The following MGAM2 variants were observed in gnomAD, a reference collection of about 807,000 sequenced individuals.
The protein encoded by MGAM2 is maltase-glucoamylase 2 (putative).
A neutral mutation model predicts 96.1 loss-of-function variants in MGAM2; 98 were observed. That is an observed-to-expected ratio of 1.02 (90% CI 0.87 to 1.21). The LOEUF (loss-of-function observed/expected upper bound fraction) is 1.21. MGAM2 is among the 50% of genes most tolerant of loss of function. The pLI is 0.00. For missense variants in MGAM2, 2,055 were observed against 1,182.4 expected (o/e 1.74, Z -10.82); for synonymous variants, 749 against 414.8 (o/e 1.81, Z -9.79).
rs1188959621 is a variant in MGAM2 at position 142,148,897 on chromosome 7, C to T, written c.1634+1324C>T. ...TTCTCCTTGGTACTCAAGGCCATAA[C>T]CACTCCTTTAAACTTAGCTCCTTCA... On this transcript the variant is annotated intron_variant, in intron 15 of 47. Transcript: ENST00000477922. This position sits in a 1 kb window ranked among gnomAD's most constrained non-coding sequence, Gnocchi z 4.2. Among the ~76,000 whole-genome samples, 1 of 152,092 alleles carries T rather than the reference C, an allele frequency of 6.6e-6. No individual in the cohort carries two copies. Among genetic ancestry groups the T allele is most frequent in the Non-Finnish European group, 1.5e-5 (1 of 68,010 alleles).
At chr7:142,198,071 G>A (rs1183663419) in intron 42 of MGAM2, 68 bp from the exon 43 acceptor site, 1 of 684,860 alleles carries the variant, frequency 1.5e-6, no homozygotes, top group African/African-American at 1.8e-5. Context: ...ATTCTACAGT[G>A]TTTTGAAAAT....
At chr7:142,146,603 A>G (rs1795392057) in intron 14 of MGAM2, among the ~76,000 whole-genome samples, 1 of 152,194 alleles carries the variant, frequency 6.6e-6, no homozygotes, top group African/African-American at 2.4e-5. Flanking sequence ...AAGGAGAGGA[A>G]GTGGCAGAGA....
At position 142,183,308 on chromosome 7, in the gene MGAM2, A is replaced by G; in HGVS notation, c.3859A>G (p.Ile1287Val). The G allele has an allele frequency of 2.8e-6, 2 of 703,524 alleles. No homozygotes were observed. The highest frequency in any genetic ancestry group is 5.2e-6 in the Non-Finnish European group (2 of 385,004). 43.6% of individuals were successfully genotyped at this position (703,524 alleles called of 1,614,324 possible). A position where few individuals can be genotyped will look rare whatever the true frequency, so the allele number is the denominator to read the frequency against. Reference sequence around the variant, plus strand: ...CAATGAGACACAGTATCTCCCATTCATTAGAGGACAGGAAAATAACGTGTT... The same window carrying G: ...CAATGAGACACAGTATCTCCCATTCGTTAGAGGACAGGAAAATAACGTGTT... ...SGNETQYLPF[I>V]RGQENNVFIK... Residue 1287 changes from isoleucine to valine, a missense_variant, in exon 33 of 48, where the codon ATT (isoleucine) becomes GTT (valine). Ile to Val is a conservative substitution (Grantham distance 29). Transcript: ENST00000477922.
At chr7:142,155,628 C>A (rs1465516960) in intron 17 of MGAM2, among the ~76,000 whole-genome samples, 1 of 152,074 alleles carries the variant, frequency 6.6e-6, no homozygotes. Context: ...CTTTTCTGGC[C>A]ACTTGTGATC....
intron 32 of MGAM2, 133 bp from the exon 33 acceptor site, chr7:142,183,133 T>C (rs1378898796): frequency 4.2e-6 from 2 of 473,496 alleles, no homozygotes; most frequent in African/African-American, 5.1e-5. Flanking sequence ...CAATGATTTT[T>C]ATTTTATTTC....
At chr7:142,126,486 AT>A (rs572146266) in intron 3 of MGAM2, among the ~76,000 whole-genome samples, 92 of 144,848 alleles carry the variant, frequency 6.4e-4, no homozygotes, top group Middle Eastern at 3.6e-3. Flanking sequence ...CATTTGGGCA[AT>A]TTTTTTTTTT....
At chr7:142,204,395 A>G (rs1248193563) in intron 45 of MGAM2, among the ~76,000 whole-genome samples, 1 of 152,042 alleles carries the variant, frequency 6.6e-6, no homozygotes, top group African/African-American at 2.4e-5. Context: ...TGAAGGAATT[A>G]AACAACTTCT....
At chr7:142,166,311 A>G in intron 25 of MGAM2, 58 bp downstream of exon 25, 1 of 636,810 alleles carries the variant, frequency 1.6e-6, no homozygotes, top group South Asian at 1.8e-5. Context: ...CACCTAGAAA[A>G]CACTTTTCAA....
intron 45 of MGAM2, among the ~76,000 whole-genome samples, chr7:142,207,246 G>C (rs976317795): frequency 6.6e-6 from 1 of 152,074 alleles, no homozygotes; most frequent in African/African-American, 2.4e-5. Context: ...TAAAAATCCT[G>C]AACAGTGTGA....
intron 1 of MGAM2, among the ~76,000 whole-genome samples, chr7:142,114,988 A>G (rs4574764): frequency 0.39 from 59,011 of 151,276 alleles, 11,684 homozygotes; most frequent in South Asian, 0.47. Context: ...GGCCGAGGTA[A>G]GTGGATCATT....
intron 33 of MGAM2, among the ~76,000 whole-genome samples, 166 bp downstream of exon 33, chr7:142,183,539 A>G (rs1349707618): frequency 1.3e-5 from 2 of 152,240 alleles, no homozygotes; most frequent in Non-Finnish European, 2.9e-5. Context: ...GACCAAGGTT[A>G]CAAATCTCAT....
intron 36 of MGAM2, 149 bp from the exon 37 acceptor site, chr7:142,189,218 T>A (rs1796794728): frequency 5.8e-6 from 3 of 517,678 alleles, no homozygotes; most frequent in Middle Eastern, 2.8e-4. Flanking sequence ...ACACAGAACA[T>A]TGTTTTCTAT....
intron 36 of MGAM2, 84 bp downstream of exon 36, chr7:142,187,918 A>T: frequency 1.5e-6 from 1 of 660,392 alleles, no homozygotes; most frequent in Non-Finnish European, 2.8e-6. Context: ...GTGAAGCCTA[A>T]TGTTGAAGAC....
intron 3 of MGAM2, 74 bp from the exon 4 acceptor site, chr7:142,130,874 G>T (rs552477270): frequency 3.1e-6 from 2 of 655,362 alleles, no homozygotes; most frequent in African/African-American, 3.6e-5. Context: ...AATAAAATGG[G>T]TTATAAATAA....
At chr7:142,133,898 G>T in intron 6 of MGAM2, 83 bp from the exon 7 acceptor site, 1 of 607,584 alleles carries the variant, frequency 1.6e-6, no homozygotes, top group Admixed American at 2.5e-5. Context: ...AGGTCTAAGT[G>T]TATGTGGAAA....
At chr7:142,145,094 C>T (rs1432809053) in intron 14 of MGAM2, 149 bp downstream of exon 14, 1 of 570,508 alleles carries the variant, frequency 1.8e-6, no homozygotes, top group Non-Finnish European at 3.1e-6. Context: ...GTCTCTGCAG[C>T]AGTGTTGGGT....
chr7:142,122,832 G>T (rs573016493), intron 3 of MGAM2, among the ~76,000 whole-genome samples: 3 of 151,742 alleles, frequency 2.0e-5, no homozygotes, highest in South Asian at 2.1e-4. Context: ...ATATGTTTTT[G>T]TTGTTGTTGT....
At chr7:142,176,681 A>C (rs1404427989) in intron 32 of MGAM2, among the ~76,000 whole-genome samples, 1 of 100,436 alleles carries the variant, frequency 1.0e-5, no homozygotes, top group Non-Finnish European at 2.3e-5. Flanking sequence ...TTAAATAGAC[A>C]GATTGGGACA....
intron 15 of MGAM2, 135 bp downstream of exon 15, chr7:142,147,708 C>A (rs1476778251): frequency 5.4e-6 from 3 of 560,062 alleles, no homozygotes; most frequent in Non-Finnish European, 9.4e-6. Context: ...ACTGTTCTTA[C>A]AGAGTATTTA....
Sources: gnomAD v4.1 joint callset for allele counts (sites outside exome capture counted in the v4.1 genomes callset) on GRCh38, gnomAD v4.1.1 for gene constraint, Gnocchi (gnomAD v3.1) non-coding constraint, MANE v1.5 for transcripts, NCBI Gene and HGNC (gene_info 2026-07-23, HGNC 2026-07-21) for gene names.